The following PCDH15 variants were observed in gnomAD, a reference collection of about 807,000 sequenced individuals.
PCDH15 encodes protocadherin related 15, also known as protocadherin-15.
PCDH15 carries 129 observed loss-of-function variants against 178.5 expected under a neutral mutation model. The observed-to-expected ratio is 0.72, with a 90% CI of 0.63 to 0.84. PCDH15 has a LOEUF of 0.84. Among genes scored for constraint, PCDH15 ranks in the 40% least tolerant of loss-of-function variants. PCDH15 has a pLI of 0.00. For synonymous variants in PCDH15, 800 were observed against 732.0 expected (o/e 1.09, Z -1.50); for missense variants, 2,230 against 2,099.9 (o/e 1.06, Z -1.21).
chr10:54,215,794 C>A (rs1482440209), intron 9 of PCDH15, among the ~76,000 whole-genome samples: 2 of 151,984 alleles, frequency 1.3e-5, no homozygotes, highest in Non-Finnish European at 2.9e-5. Flanking sequence ...GTAATCCCGG[C>A]ACTTTGGGAG....
chr10:54,484,272 A>G (rs181479554), intron 3 of PCDH15, among the ~76,000 whole-genome samples: 36 of 152,002 alleles, frequency 2.4e-4, no homozygotes, highest in Admixed American at 2.0e-3. Flanking sequence ...TCCTGTGTGA[A>G]GTTCTGAATA....
intron 6 of PCDH15, among the ~76,000 whole-genome samples, chr10:54,332,179 A>G (rs1373769937): frequency 7.0e-6 from 1 of 142,530 alleles, no homozygotes; most frequent in Non-Finnish European, 1.5e-5. Context: ...ACTTATTATG[A>G]TAGATAATAA....
Position 54,183,468 on chromosome 10 carries a change from C to T in PCDH15, c.1566G>A (p.Met522Ile), listed in dbSNP as rs1159351115. 1.9e-6 allele frequency: 3 copies of T among 1,613,304 alleles called. No individual in the cohort carries two copies. The East Asian group carries it at 6.7e-5, about 36-fold the overall frequency. Residue 522 changes from methionine (M) to isoleucine (I), a missense_variant, in exon 13 of 38, where the codon ATG becomes ATA. By Grantham distance (10) the Met-to-Ile change is conservative. Transcript: ENST00000644397. ...CCTGTATGACACTGTCCCCAGGTCT[C>T]ATGTCTGTATAAACATACACATCAT... ...ISYDVYVYTD[M>I]RPGDSVIQLT...
chr10:54,625,998 C>G (rs2093536647), intron 2 of PCDH15, among the ~76,000 whole-genome samples: 1 of 152,084 alleles, frequency 6.6e-6, no homozygotes, highest in East Asian at 1.9e-4. Flanking sequence ...GAAACTGGAG[C>G]AAAGGTGACT....
intron 2 of PCDH15, among the ~76,000 whole-genome samples, chr10:55,477,758 C>G (rs1589063876): frequency 6.6e-6 from 1 of 151,864 alleles, no homozygotes; most frequent in African/African-American, 2.4e-5. Context: ...TAGCACCATG[C>G]TCAGGCCAGA....
chr10:54,004,043 A>G (rs981082753), intron 20 of PCDH15, among the ~76,000 whole-genome samples: 2 of 152,148 alleles, frequency 1.3e-5, no homozygotes, highest in Non-Finnish European at 2.9e-5. Context: ...AAACCATATG[A>G]TCATTTCAAT....
rs868647401 is a variant in PCDH15, at chr10:54,219,119, C to A, written c.986-5071G>T. On this transcript the variant is annotated intron_variant, in intron 9 of 37. Transcript: ENST00000644397. ...AAAAAAAAAAAAAACAAAAAAAAAA[C>A]AAAAAATTAGCCGGGCGTGGTGGTG... is the stretch of plus-strand genomic sequence containing the variant. 8.1e-3 allele frequency among the ~76,000 whole-genome samples: 949 copies of A among 117,564 alleles called. 3 individuals are homozygous for A. The highest frequency in any genetic ancestry group is 0.013 in the African/African-American group (341 of 26,514). The allele number at this position is 117,564 out of a possible 152,430, so 77.1% of individuals were successfully genotyped here. A position where few individuals can be genotyped will look rare whatever the true frequency, so the allele number is the denominator to read the frequency against.
chr10:54,081,755 A>C (rs569686164), intron 16 of PCDH15, among the ~76,000 whole-genome samples: 72 of 151,814 alleles, frequency 4.7e-4, no homozygotes, highest in Non-Finnish European at 9.3e-4. Context: ...AAAATACATA[A>C]GCTTCTTCAA....
At chr10:54,180,842 C>A (rs1217252194) in intron 13 of PCDH15, among the ~76,000 whole-genome samples, 2 of 152,048 alleles carry the variant, frequency 1.3e-5, no homozygotes, top group African/African-American at 2.4e-5. Flanking sequence ...CTGACACAAA[C>A]AACAGTCTAT....
intron 2 of PCDH15, among the ~76,000 whole-genome samples, chr10:55,472,515 T>C (rs1839981470): frequency 6.9e-6 from 1 of 145,716 alleles, no homozygotes; most frequent in African/African-American, 2.5e-5. Context: ...CTGACTCTAA[T>C]AATAGGTAGA....
At chr10:53,973,453 T>TA (rs991784233) in intron 21 of PCDH15, among the ~76,000 whole-genome samples, 7 of 152,014 alleles carry the variant, frequency 4.6e-5, no homozygotes, top group Admixed American at 3.9e-4. Context: ...AAAAATAAAT[T>TA]AAAAAAACAA....
intron 1 of PCDH15, among the ~76,000 whole-genome samples, chr10:55,211,523 T>G (rs1840572032): frequency 6.6e-6 from 1 of 152,116 alleles, no homozygotes; most frequent in African/African-American, 2.4e-5. Context: ...GTTAAGTGCT[T>G]GGCTAACAGT....
At chr10:55,390,309 G>C (rs1420771389) in intron 2 of PCDH15, among the ~76,000 whole-genome samples, 2 of 152,122 alleles carry the variant, frequency 1.3e-5, no homozygotes, top group African/African-American at 4.8e-5. Flanking sequence ...TGCTTGTGAA[G>C]GGTTTTGGCT....
intron 1 of PCDH15, among the ~76,000 whole-genome samples, chr10:54,775,441 T>C (rs981166129): frequency 1.3e-5 from 2 of 152,204 alleles, no homozygotes; most frequent in African/African-American, 4.8e-5. Context: ...TCAGGGTAAT[T>C]AGCATATCCA....
chr10:54,970,155 A>G (rs2131892938), intron 2 of PCDH15, among the ~76,000 whole-genome samples: 1 of 152,290 alleles, frequency 6.6e-6, no homozygotes, highest in Admixed American at 6.5e-5. Context: ...GCAAGTACAC[A>G]GTGGCCCTCA....
intron 2 of PCDH15, among the ~76,000 whole-genome samples, chr10:55,403,788 T>C (rs547383709): frequency 6.6e-6 from 1 of 152,142 alleles, no homozygotes; most frequent in Admixed American, 6.6e-5. Context: ...TGCTCAGTAT[T>C]GCTTTGTCTG....
intron 2 of PCDH15, among the ~76,000 whole-genome samples, chr10:54,944,159 G>C (rs1460337913): frequency 3.3e-5 from 5 of 151,888 alleles, no homozygotes; most frequent in Admixed American, 2.0e-4. Flanking sequence ...TCATTTTTTA[G>C]AATTCCCCAT....
intron 2 of PCDH15, among the ~76,000 whole-genome samples, chr10:54,945,364 T>G (rs1733773): frequency 0.45 from 65,466 of 145,000 alleles, 14,959 homozygotes; most frequent in Middle Eastern, 0.58. Context: ...TAGATAGATA[T>G]ATAGATAGAT....
chr10:55,075,098 T>C (rs1309441840), intron 2 of PCDH15, among the ~76,000 whole-genome samples: 1 of 152,156 alleles, frequency 6.6e-6, no homozygotes, highest in Admixed American at 6.6e-5. Context: ...ACCAGTACCA[T>C]GCTGTTTTGG....
Sources: allele counts gnomAD v4.1 joint callset (sites outside exome capture counted in the v4.1 genomes callset), GRCh38; gene constraint gnomAD v4.1.1; transcripts MANE v1.5; gene names NCBI Gene and HGNC (gene_info 2026-07-23, HGNC 2026-07-21).